The following PTPRD variants were observed in gnomAD, a reference collection of about 807,000 sequenced individuals.
PTPRD encodes the protein receptor-type tyrosine-protein phosphatase delta.
Under a neutral mutation model 214.5 loss-of-function variants are expected in PTPRD, and 34 were observed. The ratio of observed to expected loss-of-function variants is 0.16; its 90% CI spans 0.12 to 0.21. The LOEUF is 0.21. Among genes scored for constraint, PTPRD ranks in the 10% least tolerant of loss-of-function variants. The pLI is 1.00. For synonymous variants in PTPRD, 1,128 were observed against 845.7 expected, an observed-to-expected ratio of 1.33 and a Z score of -5.79; for missense variants, 2,545 against 2,398.7, an observed-to-expected ratio of 1.06 and a Z score of -1.27.
intron 2 of PTPRD, among the ~76,000 whole-genome samples, chr9:10,354,940 A>G (rs2097249827): frequency 1.3e-5 from 2 of 152,198 alleles, no homozygotes; most frequent in African/African-American, 4.8e-5. Context: ...CTTGATGAAA[A>G]TATGCTAAAA....
chr9:10,550,986 C>A (rs2061225213), intron 2 of PTPRD, among the ~76,000 whole-genome samples: 1 of 152,290 alleles, frequency 6.6e-6, no homozygotes, highest in Non-Finnish European at 1.5e-5. Context: ...CCTTCATAAC[C>A]AAAACCAGGT....
intron 14 of PTPRD, among the ~76,000 whole-genome samples, chr9:8,595,932 A>C (rs1346384810): frequency 6.6e-6 from 1 of 152,194 alleles, no homozygotes; most frequent in Non-Finnish European, 1.5e-5. Flanking sequence ...ATGCAATTCT[A>C]TGTTGTGCCT....
chr9:9,175,012 C>A (rs1460911265), intron 10 of PTPRD, among the ~76,000 whole-genome samples: 1 of 151,958 alleles, frequency 6.6e-6, no homozygotes, highest in East Asian at 1.9e-4. Context: ...AACTGATTTC[C>A]CCTTTCCACT....
chr9:8,696,378 T>G (rs1264234755), intron 12 of PTPRD, among the ~76,000 whole-genome samples: 2 of 152,228 alleles, frequency 1.3e-5, no homozygotes, highest in Non-Finnish European at 2.9e-5. Context: ...ATTGAACACC[T>G]ACTTGCACTA....
intron 9 of PTPRD, among the ~76,000 whole-genome samples, chr9:9,292,308 T>G (rs532863160): frequency 7.3e-5 from 11 of 151,388 alleles, no homozygotes; most frequent in Non-Finnish European, 1.5e-4. Flanking sequence ...GTCAAGAAAT[T>G]TAAACTTTTT....
chr9:9,480,664 C>T (rs1046551168), intron 8 of PTPRD, among the ~76,000 whole-genome samples: 11 of 152,016 alleles, frequency 7.2e-5, no homozygotes, highest in African/African-American at 1.9e-4. Context: ...ATATGTAGTA[C>T]GTAAAAATAT....
chr9:9,925,151 C>G (rs991158521), intron 5 of PTPRD, among the ~76,000 whole-genome samples: 1 of 152,032 alleles, frequency 6.6e-6, no homozygotes, highest in African/African-American at 2.4e-5. Context: ...TAAATTATCA[C>G]AAATCTACAA....
At chr9:9,322,752 G>A (rs1003549080) in intron 9 of PTPRD, among the ~76,000 whole-genome samples, 1 of 152,078 alleles carries the variant, frequency 6.6e-6, no homozygotes, top group African/African-American at 2.4e-5. Flanking sequence ...GACTTCAAGG[G>A]TCTATGACAT....
At chr9:9,960,778 T>A (rs10816266) in intron 4 of PTPRD, among the ~76,000 whole-genome samples, 38,274 of 151,974 alleles carry the variant, frequency 0.25, 5,842 homozygotes, top group East Asian at 0.55. Context: ...CTAAATATAA[T>A]GTAATATCCA....
At chr9:9,215,472 A>G (rs186236982) in intron 9 of PTPRD, among the ~76,000 whole-genome samples, 31 of 152,300 alleles carry the variant, frequency 2.0e-4, no homozygotes, top group Admixed American at 1.0e-3. Flanking sequence ...ATTACAAAAT[A>G]TAAGGATTAC....
intron 11 of PTPRD, among the ~76,000 whole-genome samples, chr9:8,767,714 G>A (rs772350159): frequency 2.0e-5 from 3 of 151,912 alleles, no homozygotes; most frequent in East Asian, 1.9e-4. Context: ...TTTTTAATTC[G>A]GATGCTCAGG....
intron 2 of PTPRD, among the ~76,000 whole-genome samples, chr9:10,505,054 G>C (rs1025980810): frequency 6.6e-6 from 1 of 152,140 alleles, no homozygotes; most frequent in Non-Finnish European, 1.5e-5. Context: ...GAGATTCTAG[G>C]ATACCATCAG....
intron 11 of PTPRD, among the ~76,000 whole-genome samples, chr9:9,001,278 G>A (rs187962639): frequency 1.3e-4 from 20 of 152,152 alleles, no homozygotes; most frequent in Non-Finnish European, 2.5e-4. Context: ...GCCTGGGGAA[G>A]GTTTAGCAGG....
At chr9:9,392,818 T>G (rs1586940230) in intron 9 of PTPRD, among the ~76,000 whole-genome samples, 2 of 152,142 alleles carry the variant, frequency 1.3e-5, no homozygotes, top group African/African-American at 4.8e-5. Context: ...CAGTCTTCAC[T>G]TTCAATCTCC....
intron 4 of PTPRD, among the ~76,000 whole-genome samples, chr9:9,955,670 C>T (rs1162448803): frequency 6.6e-6 from 1 of 151,952 alleles, no homozygotes; most frequent in Non-Finnish European, 1.5e-5. Flanking sequence ...ACTACAGGTG[C>T]CCGCCACCAT....
At chr9:8,370,768 A>G (rs1207012484) in intron 39 of PTPRD, among the ~76,000 whole-genome samples, 2 of 152,060 alleles carry the variant, frequency 1.3e-5, no homozygotes, top group African/African-American at 2.4e-5. Flanking sequence ...GCTAAAAACC[A>G]TCATGGGACC....
chr9:10,451,411 C>G (rs1323963972), intron 2 of PTPRD, among the ~76,000 whole-genome samples: 2 of 151,572 alleles, frequency 1.3e-5, no homozygotes, highest in Admixed American at 1.3e-4. Context: ...GCAATTGTGG[C>G]TTTTTCTTTT....
rs1298290476 is a variant in PTPRD, at chr9:8,317,910, T to C, written c.5703A>G (p.Leu1901=). 1.2e-6 allele frequency: 2 copies of C among 1,612,160 alleles called. No homozygotes were observed. The highest frequency in any genetic ancestry group is 1.7e-5 in the Admixed American group (1 of 59,888). Residue 1901 remains leucine, a synonymous_variant, in exon 46 of 46, where the codon CTA becomes CTG. Coordinates refer to ENST00000381196, the MANE Select transcript of PTPRD (RefSeq NM_002839.4). The part of the protein sequence containing the change: ...DQYQFSYRAA[L]EYLGSFDHYA... Reference sequence around the variant, plus strand: ...AGTGGTCAAAGCTGCCCAGGTACTCTAGTGCGGCACGATAGGAAAACTGAT... The same window carrying C: ...AGTGGTCAAAGCTGCCCAGGTACTCCAGTGCGGCACGATAGGAAAACTGAT...
At chr9:10,069,644 A>T (rs1471312718) in intron 3 of PTPRD, among the ~76,000 whole-genome samples, 1 of 152,064 alleles carries the variant, frequency 6.6e-6, no homozygotes, top group Non-Finnish European at 1.5e-5. Context: ...CTGAGACTTG[A>T]CTTTGACCCC....
Sources: allele counts gnomAD v4.1 joint callset (sites outside exome capture counted in the v4.1 genomes callset), GRCh38; gene constraint gnomAD v4.1.1; transcripts MANE v1.5; gene names NCBI Gene and HGNC (gene_info 2026-07-23, HGNC 2026-07-21).